PCDHA3: variants seen among roughly 807,000 people sequenced by gnomAD.
PCDHA3 encodes protocadherin alpha 3.
PCDHA3 carries 41 observed loss-of-function variants against 62.2 expected under a neutral mutation model. The observed-to-expected ratio is 0.66, with a 90% CI of 0.51 to 0.86. The LOEUF (loss-of-function observed/expected upper bound fraction) is 0.86. Ranked by LOEUF, PCDHA3 falls within the 40% of genes least tolerant of loss-of-function variation. PCDHA3 has a pLI of 0.00. For synonymous variants in PCDHA3, 640 were observed against 555.4 expected, an observed-to-expected ratio of 1.15 and a Z score of -2.14; for missense variants, 1,304 against 1,241.2, an observed-to-expected ratio of 1.05 and a Z score of -0.76.
intron 1 of PCDHA3, among the ~76,000 whole-genome samples, chr5:140,888,497 A>C (rs2061848830): frequency 6.6e-6 from 1 of 152,250 alleles, no homozygotes; most frequent in Non-Finnish European, 1.5e-5. Flanking sequence ...ACTCTGCTTT[A>C]AAGAGTCTTG....
At chr5:140,856,485 T>C (rs1554148765) in intron 1 of PCDHA3, 1 of 1,598,290 alleles carries the variant, frequency 6.3e-7, no homozygotes, top group East Asian at 2.2e-5. Context: ...GAATCCAGAC[T>C]GCTTGACTCT....
At chr5:140,830,159 G>A (rs2150182204) in intron 1 of PCDHA3, 33 of 1,613,266 alleles carry the variant, frequency 2.0e-5, no homozygotes, top group Non-Finnish European at 2.7e-5. Flanking sequence ...CGCGGGCCCA[G>A]AGGCGGCGCT....
intron 1 of PCDHA3, chr5:140,835,375 C>T: frequency 1.2e-6 from 2 of 1,613,976 alleles, no homozygotes; most frequent in Non-Finnish European, 1.7e-6. Flanking sequence ...CCACCCCTGG[C>T]TGGTCATTGT....
In PCDHA3 at chr5:140,801,802, G is replaced by C. The variant is rs782120718; in HGVS notation, c.605G>C (p.Arg202Pro). 6.2e-7 allele frequency: 1 copy of C among 1,613,964 alleles called. No homozygotes were observed. The highest frequency in any genetic ancestry group is 8.5e-7 in the Non-Finnish European group (1 of 1,180,018). Residue 202 changes from arginine (R) to proline (P), a missense_variant, in exon 1 of 4, where the codon CGA (arginine) becomes CCA (proline). Physicochemically the swap from Arg to Pro is moderately radical, Grantham distance 103. Transcript: ENST00000522353. ...CTCGTGTTGAAAAAAAATTTAAATC[G>C]AGAGGACACTCCTAAGCATTATTTA... ...LGLVLKKNLN[R>P]EDTPKHYLLI...
At chr5:140,974,109 T>A (rs192229356) in intron 1 of PCDHA3, among the ~76,000 whole-genome samples, 366 of 152,368 alleles carry the variant, frequency 2.4e-3, no homozygotes, top group Non-Finnish European at 3.7e-3. Context: ...AAAAGTATTC[T>A]TTTGCAGTGT....
At chr5:140,935,134 T>G (rs1358918679) in intron 1 of PCDHA3, among the ~76,000 whole-genome samples, 1 of 152,210 alleles carries the variant, frequency 6.6e-6, no homozygotes. Context: ...TAGTGAAAGA[T>G]GATACTTAGA....
At position 140,852,929 on chromosome 5, in the gene PCDHA3, A is replaced by G. The variant is rs2150525659; in HGVS notation, c.2394+49338A>G. 9 of 654,866 alleles carry G rather than the reference A, an allele frequency of 1.4e-5. No individual in the cohort carries two copies. The Admixed American group carries it at 3.9e-4, about 29-fold the overall frequency. The allele number at this position is 654,866 out of a possible 1,614,324, so 40.6% of individuals were successfully genotyped here. A position where few individuals can be genotyped will look rare whatever the true frequency, so the allele number is the denominator to read the frequency against. Reference sequence around the variant, plus strand: ...AGTCTCGCTCTGTTGCCCAGGCTGGAGTGCAGTGGTGCCATCTTGGCTCAC... The same window carrying G: ...AGTCTCGCTCTGTTGCCCAGGCTGGGGTGCAGTGGTGCCATCTTGGCTCAC... On this transcript the variant is annotated intron_variant, in intron 1 of 3. Transcript: ENST00000522353.
In PCDHA3 at chr5:140,802,047, G is replaced by C. The variant is rs1361472766; in HGVS notation, c.850G>C (p.Asp284His). 6.2e-7 allele frequency: 1 copy of C among 1,614,032 alleles called. No homozygotes were observed. Among genetic ancestry groups the C allele is most frequent in the Non-Finnish European group, 8.5e-7 (1 of 1,180,044 alleles). Residue 284 changes from aspartate to histidine, a missense_variant, in exon 1 of 4, where the codon GAC becomes CAC. By Grantham distance (81) the Asp-to-His change is moderately conservative. Transcript: ENST00000522353. ...GGATATCGCGTATTCTTTCAATACGGACATGTCAGCAGATATTCTGTCAAA... is the reference window on the plus strand; with the variant it reads ...GGATATCGCGTATTCTTTCAATACGCACATGTCAGCAGATATTCTGTCAAA... ...NKDIAYSFNT[D>H]MSADILSKFH...
chr5:140,862,934 G>C (rs1050739882), intron 1 of PCDHA3: 3 of 542,192 alleles, frequency 5.5e-6, no homozygotes, highest in African/African-American at 2.0e-5. Flanking sequence ...TGGCGGCGCT[G>C]TGAGTGAGCT....
intron 1 of PCDHA3, among the ~76,000 whole-genome samples, chr5:140,905,599 G>A (rs782355615): frequency 2.0e-5 from 3 of 152,096 alleles, no homozygotes; most frequent in Non-Finnish European, 2.9e-5. Context: ...GCTGGGAATT[G>A]CATTGAATCT....
intron 1 of PCDHA3, among the ~76,000 whole-genome samples, chr5:140,974,870 A>G (rs781837180): frequency 9.9e-5 from 15 of 152,182 alleles, no homozygotes; most frequent in African/African-American, 1.4e-4. Context: ...AATGCGGAAC[A>G]GTCTATGTAT....
chr5:140,809,511 G>C (rs374214403), intron 1 of PCDHA3: 1 of 1,614,228 alleles, frequency 6.2e-7, no homozygotes, highest in South Asian at 1.1e-5. Context: ...TTCAGCCCCA[G>C]TTTACCTGAC....
chr5:140,869,312 C>G (rs782161322), intron 1 of PCDHA3: 14 of 1,613,636 alleles, frequency 8.7e-6, no homozygotes, highest in Admixed American at 3.3e-5. Flanking sequence ...GCGTCCAAAA[C>G]ACATGGGGAC....
At chr5:140,848,292 C>T in intron 1 of PCDHA3, 3 of 640,268 alleles carry the variant, frequency 4.7e-6, no homozygotes, top group Non-Finnish European at 8.2e-6. Context: ...ACACTTTGGG[C>T]CACGTGATGT....
intron 3 of PCDHA3, among the ~76,000 whole-genome samples, chr5:141,001,290 G>A (rs2098005878): frequency 6.6e-6 from 1 of 152,100 alleles, no homozygotes; most frequent in Non-Finnish European, 1.5e-5. Flanking sequence ...GATGAAAACT[G>A]AGGCCCAGAG....
chr5:140,834,543 C>A (rs1580783721), intron 1 of PCDHA3: 2 of 1,614,086 alleles, frequency 1.2e-6, no homozygotes, highest in Non-Finnish European at 1.7e-6. Flanking sequence ...GGACCTGGGG[C>A]TGGAGCTGGC....
intron 1 of PCDHA3, chr5:140,831,345 A>G (rs1554133179): frequency 1.4e-5 from 2 of 142,358 alleles, no homozygotes; most frequent in African/African-American, 5.3e-5. Flanking sequence ...AGTAATTTAA[A>G]CTATTCACTA....
At chr5:140,971,322 A>G (rs1344853773) in intron 1 of PCDHA3, among the ~76,000 whole-genome samples, 6 of 152,224 alleles carry the variant, frequency 3.9e-5, no homozygotes, top group Admixed American at 3.9e-4. Context: ...TCTAGGGAGA[A>G]AATTATTTCA....
intron 1 of PCDHA3, among the ~76,000 whole-genome samples, chr5:140,838,075 A>AGTGTGTGTGTGTG (rs781914509): frequency 7.8e-6 from 1 of 128,240 alleles, no homozygotes; most frequent in African/African-American, 3.1e-5. Context: ...TTATATATAT[A>AGTGTGTGTGTGTG]TAGTGTGTGT....
Sources: gnomAD v4.1 joint callset for allele counts (sites outside exome capture counted in the v4.1 genomes callset) on GRCh38, gnomAD v4.1.1 for gene constraint, MANE v1.5 for transcripts, NCBI Gene and HGNC (gene_info 2026-07-23, HGNC 2026-07-21) for gene names.